CA12: variants seen among roughly 807,000 people sequenced by gnomAD.
CA12 encodes carbonate dehydratase XII.
Under a neutral mutation model 46.8 loss-of-function variants are expected in CA12, and 36 were observed. The ratio of observed to expected loss-of-function variants is 0.77; its 90% CI spans 0.59 to 1.02. The LOEUF is 1.02. Ranked by LOEUF, CA12 falls within the 50% of genes least tolerant of loss-of-function variation. The pLI, the probability that CA12 is intolerant of heterozygous loss-of-function variation, is 0.00. For synonymous variants in CA12, 202 were observed against 187.0 expected (o/e 1.08, Z -0.65); for missense variants, 436 against 451.4 (o/e 0.97, Z 0.31).
rs1416124496 is a variant in CA12, at chr15:63,323,980, A to T, written c.*2305T>A. On this transcript the variant is annotated 3_prime_UTR_variant, in exon 11 of 11. Coordinates refer to ENST00000178638, the MANE Select transcript of CA12 (RefSeq NM_001218.5). This position sits in a 1 kb window ranked among gnomAD's most constrained non-coding sequence, Gnocchi z 5.1. Reference sequence around the variant, plus strand: ...GCATCTGCCATGCAGCAGAGTTAGGAGCGTGTGGGCGGCTGCTGAGACTCA... The same window carrying T: ...GCATCTGCCATGCAGCAGAGTTAGGTGCGTGTGGGCGGCTGCTGAGACTCA... The T allele has an allele frequency of 6.6e-6, 1 of 152,168 alleles. No individual in the cohort carries two copies. Among genetic ancestry groups the T allele is most frequent in the African/African-American group, 2.4e-5 (1 of 41,402 alleles). The allele number at this position is 152,168 out of a possible 1,614,324, so 9.4% of individuals were successfully genotyped here. A position where few individuals can be genotyped will look rare whatever the true frequency, so the allele number is the denominator to read the frequency against.
chr15:63,380,970 G>C (rs991351575), intron 1 of CA12, among the ~76,000 whole-genome samples: 4 of 151,994 alleles, frequency 2.6e-5, no homozygotes, highest in Non-Finnish European at 5.9e-5. Flanking sequence ...TCAGCCTCCA[G>C]CCTTTTGGGA....
At chr15:63,370,947 C>A (rs1595792404) in intron 2 of CA12, among the ~76,000 whole-genome samples, 1 of 152,066 alleles carries the variant, frequency 6.6e-6, no homozygotes, top group African/African-American at 2.4e-5. Flanking sequence ...CAAGAGCCCT[C>A]GGTCTATTAA....
At chr15:63,364,291 C>T (rs951728100) in intron 2 of CA12, among the ~76,000 whole-genome samples, 1 of 125,864 alleles carries the variant, frequency 7.9e-6, no homozygotes. Flanking sequence ...AGTTTGAGAC[C>T]CACCTGGGCA....
At chr15:63,342,662 A>G (rs1459610400) in intron 4 of CA12, among the ~76,000 whole-genome samples, 2 of 152,124 alleles carry the variant, frequency 1.3e-5, no homozygotes, top group African/African-American at 2.4e-5. Context: ...TCTTCCCATC[A>G]TGGCCTGAAC....
rs1164202791 is a variant in CA12, at chr15:63,331,008, G to A, written c.875-2878C>T. Among the ~76,000 whole-genome samples, 1 of 152,240 alleles carries A rather than the reference G, an allele frequency of 6.6e-6. No individual in the cohort carries two copies. The highest frequency in any genetic ancestry group is 6.5e-5 in the Admixed American group (1 of 15,280). ...CTGAGCCAACATCATAAGCTGTTAA[G>A]GAAGAGGAATGCCGGCGAGGGTGTC... On this transcript the variant is annotated intron_variant, in intron 8 of 10. Coordinates refer to ENST00000178638, the MANE Select transcript of CA12 (RefSeq NM_001218.5). The surrounding 1 kb of genome is among the most constrained non-coding windows in gnomAD (Gnocchi z 5.3).
chr15:63,357,692 A>G (rs1211953634), intron 2 of CA12, among the ~76,000 whole-genome samples: 2 of 151,828 alleles, frequency 1.3e-5, no homozygotes, highest in African/African-American at 4.8e-5. Context: ...TTGTGGTAAA[A>G]TACATAGAGC....
At chr15:63,357,846 G>A (rs901755053) in intron 2 of CA12, among the ~76,000 whole-genome samples, 6 of 151,998 alleles carry the variant, frequency 3.9e-5, no homozygotes, top group African/African-American at 7.3e-5. Flanking sequence ...TCTCAGCACC[G>A]GGCAACCACT....
chr15:63,371,151 T>G (rs2039500254), intron 2 of CA12, among the ~76,000 whole-genome samples: 1 of 152,214 alleles, frequency 6.6e-6, no homozygotes, highest in Non-Finnish European at 1.5e-5. Flanking sequence ...AGAGGGTGTC[T>G]GGAGCCCCAA....
At chr15:63,347,705 C>T (rs562010134) in intron 2 of CA12, among the ~76,000 whole-genome samples, 71 of 152,312 alleles carry the variant, frequency 4.7e-4, no homozygotes, top group Admixed American at 3.3e-3. Flanking sequence ...ATTATCTCCA[C>T]GGTAATTAAA....
At chr15:63,334,580 G>GA (rs1014482759) in intron 8 of CA12, among the ~76,000 whole-genome samples, 2 of 152,124 alleles carry the variant, frequency 1.3e-5, no homozygotes, top group African/African-American at 4.8e-5. Context: ...TTTAAGAATG[G>GA]AAAAAAGTGC....
intron 2 of CA12, 131 bp from the exon 3 acceptor site, chr15:63,346,840 G>T: frequency 9.5e-7 from 1 of 1,053,866 alleles, no homozygotes; most frequent in Non-Finnish European, 1.4e-6. Flanking sequence ...AATCTTCAAG[G>T]CTCAGAGTCT....
In CA12 at chr15:63,323,798, A is replaced by G. The variant is rs897756903; in HGVS notation, c.*2487T>C. 2.6e-5 allele frequency: 4 copies of G among 152,350 alleles called. No individual in the cohort carries two copies. The highest frequency in any genetic ancestry group is 9.7e-5 in the African/African-American group (4 of 41,446). The allele number at this position is 152,350 out of a possible 1,614,324, so 9.4% of individuals were successfully genotyped here. A position where few individuals can be genotyped will look rare whatever the true frequency, so the allele number is the denominator to read the frequency against. On this transcript the variant is annotated 3_prime_UTR_variant, in exon 11 of 11. Transcript: ENST00000178638. The surrounding 1 kb of genome is among the most constrained non-coding windows in gnomAD (Gnocchi z 5.1). ...TGCAGCACATGCTAGAAACAGATACAGAGTTTTTTGTTGTTTTTTAACTAT... is the reference window on the plus strand; with the variant it reads ...TGCAGCACATGCTAGAAACAGATACGGAGTTTTTTGTTGTTTTTTAACTAT...
chr15:63,338,609 C>G (rs573219476), intron 8 of CA12, among the ~76,000 whole-genome samples: 2 of 152,188 alleles, frequency 1.3e-5, no homozygotes, highest in Admixed American at 1.3e-4. Flanking sequence ...CTGGGGGCCT[C>G]GGCTTTTTGC....
rs2039131213 is a variant in CA12, at chr15:63,345,304, G to A, written c.429+173C>T. Reference sequence around the variant, plus strand: ...AGAAAGGGACCAGGACAGTGCAGATGAGCTACAGGCTAGTGGAGTGGCTGC... The same window carrying A: ...AGAAAGGGACCAGGACAGTGCAGATAAGCTACAGGCTAGTGGAGTGGCTGC... On this transcript the variant is annotated intron_variant, in intron 4 of 10. Coordinates refer to ENST00000178638, the MANE Select transcript of CA12 (RefSeq NM_001218.5). This position sits in a 1 kb window ranked among gnomAD's most constrained non-coding sequence, Gnocchi z 4.3. Among the ~76,000 whole-genome samples the A allele has an allele frequency of 6.6e-6, 1 of 152,244 alleles. No individual in the cohort carries two copies. Among genetic ancestry groups the A allele is most frequent in the Admixed American group, 6.5e-5 (1 of 15,292 alleles).
chr15:63,327,363 T>A lies in CA12; in HGVS notation c.908-130A>T. On this transcript the variant is annotated intron_variant, in intron 9 of 10. Transcript: ENST00000178638. The surrounding 1 kb of genome is among the most constrained non-coding windows in gnomAD (Gnocchi z 4.5). ...GAAAGGAATAATTTCCCCATCCCTG[T>A]TCTCAGATTCTGGTCTTTGGCTTAG... 3 of 777,090 alleles carry A rather than the reference T, an allele frequency of 3.9e-6. No individual in the cohort carries two copies. The allele number at this position is 777,090 out of a possible 1,614,324, so 48.1% of individuals were successfully genotyped here.
intron 1 of CA12, 58 bp from the exon 2 acceptor site, chr15:63,375,736 C>T: frequency 7.6e-7 from 1 of 1,323,912 alleles, no homozygotes; most frequent in Non-Finnish European, 1.1e-6. Flanking sequence ...TAATGGAAAA[C>T]ACTACAGATT....
Position 63,331,256 on chromosome 15 carries a change from G to A in CA12, c.875-3126C>T, listed in dbSNP as rs1430273484. 6.6e-6 allele frequency among the ~76,000 whole-genome samples: 1 copy of A among 152,200 alleles called. No homozygotes were observed. Among genetic ancestry groups the A allele is most frequent in the Non-Finnish European group, 1.5e-5 (1 of 68,038 alleles). ...AGGGAGAACTGTCAGGGCAACCAGA[G>A]AACTAGAACCTGAGTGCGAAGCCAA... On this transcript the variant is annotated intron_variant, in intron 8 of 10. Transcript: ENST00000178638. The surrounding 1 kb of genome is among the most constrained non-coding windows in gnomAD (Gnocchi z 5.3).
chr15:63,358,582 T>C (rs2039320941), intron 2 of CA12, among the ~76,000 whole-genome samples: 2 of 152,216 alleles, frequency 1.3e-5, no homozygotes, highest in Non-Finnish European at 2.9e-5. Context: ...CCAGCACTCA[T>C]CTTTGTGAAG....
Position 63,338,926 on chromosome 15 carries a change from G to A in CA12, c.767C>T (p.Ala256Val), listed in dbSNP as rs2039040080. 1 of 1,614,008 alleles carries A rather than the reference G, an allele frequency of 6.2e-7. No homozygotes were observed. The highest frequency in any genetic ancestry group is 1.3e-5 in the African/African-American group (1 of 74,894). Residue 256 changes from alanine (A) to valine (V), a missense_variant, in exon 8 of 11, where the codon GCC becomes GTC. Ala to Val is a moderately conservative substitution (Grantham distance 64, BLOSUM62 0). Coordinates refer to ENST00000178638, the MANE Select transcript of CA12 (RefSeq NM_001218.5). ...SQEQLLALET[A>V]LYCTHMDDPS... ...GTCGTCCATGTGTGTGCAGTACAGG[G>A]CTGTCTCCAAAGCCAGCAGCTGAGG...
Sources: gnomAD v4.1 joint callset for allele counts (sites outside exome capture counted in the v4.1 genomes callset) on GRCh38, gnomAD v4.1.1 for gene constraint, Gnocchi (gnomAD v3.1) non-coding constraint, MANE v1.5 for transcripts, NCBI Gene and HGNC (gene_info 2026-07-23, HGNC 2026-07-21) for gene names.